Variants in PLCE1 observed in about 807,000 individuals in gnomAD.
PLCE1 encodes the protein 1-phosphatidylinositol 4,5-bisphosphate phosphodiesterase epsilon-1.
PLCE1 carries 119 observed loss-of-function variants against 242.8 expected under a neutral mutation model. That is an observed-to-expected ratio of 0.49 (90% CI 0.42 to 0.57). PLCE1 has a LOEUF of 0.57. Ranked by LOEUF, PLCE1 falls within the 20% of genes least tolerant of loss-of-function variation. The pLI is 0.00. For synonymous variants in PLCE1, 945 were observed against 1,017.4 expected, an observed-to-expected ratio of 0.93 and a Z score of 1.35; for missense variants, 2,441 against 2,788.8, an observed-to-expected ratio of 0.88 and a Z score of 2.81.
intron 21 of PLCE1, among the ~76,000 whole-genome samples, 169 bp from the exon 22 acceptor site, chr10:94,284,679 C>T (rs535341881): frequency 6.6e-6 from 1 of 152,230 alleles, no homozygotes; most frequent in Admixed American, 6.5e-5. Flanking sequence ...CTCCTGCCCT[C>T]AGAAAGCTTT....
chr10:94,276,557 TAATAAC>T (rs2133208529), intron 19 of PLCE1, among the ~76,000 whole-genome samples: 1 of 152,298 alleles, frequency 6.6e-6, no homozygotes, highest in South Asian at 2.1e-4. Context: ...GCGTAAAAAA[TAATAAC>T]AATAATAATT....
At chr10:94,287,682 C>T (rs957651612) in intron 22 of PLCE1, among the ~76,000 whole-genome samples, 2 of 151,784 alleles carry the variant, frequency 1.3e-5, no homozygotes, top group African/African-American at 2.4e-5. Context: ...GTTTATTTCT[C>T]GGTTGCATTT....
chr10:94,105,044 G>A (rs1176334482), intron 2 of PLCE1: 2 of 152,136 alleles, frequency 1.3e-5, no homozygotes, highest in Non-Finnish European at 2.9e-5. Context: ...ATAATCAGTT[G>A]GAAATGAGGA....
chr10:94,212,317 T>C (rs1042241113), intron 4 of PLCE1, among the ~76,000 whole-genome samples: 1 of 152,086 alleles, frequency 6.6e-6, no homozygotes, highest in Non-Finnish European at 1.5e-5. Flanking sequence ...AGTGCAGTGG[T>C]GCCATCTCAG....
At position 94,258,927 on chromosome 10, in the gene PLCE1, A is replaced by T. The variant is rs777407765; in HGVS notation, c.3677+5A>T. 62 of 1,613,974 alleles carry T rather than the reference A, an allele frequency of 3.8e-5. No homozygotes were observed. The highest frequency in any genetic ancestry group is 4.9e-5 in the Non-Finnish European group (58 of 1,179,992). The stretch of plus-strand genomic sequence containing the variant: ...TGAGCTGTTCAAATCATTCAGGTAC[A>T]GTCTTATGTTTCCTTCTTATTCTTT... On this transcript the variant is annotated splice_donor_5th_base_variant and intron_variant, in intron 12 of 32. Coordinates refer to ENST00000371380, the MANE Select transcript of PLCE1 (RefSeq NM_016341.4).
chr10:94,267,240 G>A (rs1319105017), intron 16 of PLCE1, among the ~76,000 whole-genome samples: 1 of 152,090 alleles, frequency 6.6e-6, no homozygotes, highest in African/African-American at 2.4e-5. Flanking sequence ...ATGTACTTGT[G>A]TGTATCCACA....
At chr10:94,103,634 G>A (rs2045620904) in intron 2 of PLCE1, among the ~76,000 whole-genome samples, 1 of 152,102 alleles carries the variant, frequency 6.6e-6, no homozygotes, top group Non-Finnish European at 1.5e-5. Context: ...ATGTACCCCA[G>A]AACTTAAAGT....
chr10:94,088,141 C>G (rs2044906960), intron 2 of PLCE1: 1 of 152,264 alleles, frequency 6.6e-6, no homozygotes, highest in African/African-American at 2.4e-5. Context: ...CTTACCACTA[C>G]TTGATCTCTC....
At chr10:94,315,198 TG>T (rs2053525384) in intron 28 of PLCE1, 3 of 331,306 alleles carry the variant, frequency 9.1e-6, no homozygotes, top group Admixed American at 7.9e-5. Flanking sequence ...GACCAAGGGC[TG>T]GGGTGGAGAG....
Position 94,298,668 on chromosome 10 carries a change from T to C in PLCE1, c.5457T>C (p.Asp1819=), listed in dbSNP as rs1294482225. Residue 1819 remains aspartate (D), a splice_region_variant and synonymous_variant, in exon 24 of 33, where the codon GAT becomes GAC. Coordinates refer to ENST00000371380, the MANE Select transcript of PLCE1 (RefSeq NM_016341.4). This position sits in a 1 kb window ranked among gnomAD's most constrained non-coding sequence, Gnocchi z 5.2. ...IQLVALNYQT[D]DLPLHLNAAM... is the part of the protein sequence containing the mutation. The stretch of plus-strand genomic sequence containing the variant: ...TTGTGGCACTCAACTACCAGACTGA[T>C]GGTAAGGGGCCTGCATGCTCACCTC... The C allele has an allele frequency of 8.1e-6, 13 of 1,614,034 alleles. No individual in the cohort carries two copies. The highest frequency in any genetic ancestry group is 1.1e-5 in the Non-Finnish European group (13 of 1,179,980).
chr10:94,251,811 G>A (rs1212752439), intron 8 of PLCE1, among the ~76,000 whole-genome samples: 1 of 152,098 alleles, frequency 6.6e-6, no homozygotes, highest in Non-Finnish European at 1.5e-5. Flanking sequence ...GGAGCTCCCT[G>A]GGGCCCTTCA....
intron 2 of PLCE1, among the ~76,000 whole-genome samples, chr10:94,089,979 T>C (rs971025987): frequency 2.0e-5 from 3 of 152,194 alleles, no homozygotes; most frequent in African/African-American, 7.2e-5. Flanking sequence ...GTGTTTCAAA[T>C]ATGCTTTTTA....
At chr10:94,229,868 A>G (rs1254477004) in intron 5 of PLCE1, among the ~76,000 whole-genome samples, 2 of 152,216 alleles carry the variant, frequency 1.3e-5, no homozygotes, top group African/African-American at 4.8e-5. Context: ...ACAGATAGAT[A>G]GGCGAAAGTA....
intron 1 of PLCE1, among the ~76,000 whole-genome samples, chr10:94,003,574 G>A (rs902662878): frequency 2.2e-5 from 3 of 135,832 alleles, no homozygotes; most frequent in African/African-American, 8.5e-5. Flanking sequence ...CTGTACTTTA[G>A]CCATGGTCAT....
chr10:94,064,473 T>C (rs1276781685), intron 2 of PLCE1, among the ~76,000 whole-genome samples: 1 of 151,900 alleles, frequency 6.6e-6, no homozygotes, highest in Non-Finnish European at 1.5e-5. Flanking sequence ...TCACAGGAGG[T>C]AGAGGTTGCA....
chr10:94,240,271 C>T (rs2050459446), intron 7 of PLCE1, among the ~76,000 whole-genome samples: 1 of 152,106 alleles, frequency 6.6e-6, no homozygotes, highest in Non-Finnish European at 1.5e-5. Flanking sequence ...TTATTGAGAG[C>T]CTATCTTTAA....
intron 1 of PLCE1, among the ~76,000 whole-genome samples, chr10:94,010,443 G>A (rs1564622580): frequency 1.3e-5 from 2 of 152,202 alleles, no homozygotes; most frequent in Non-Finnish European, 2.9e-5. Context: ...TTTTAGTCAT[G>A]TCAATCTCTT....
Position 94,306,064 on chromosome 10 carries a change from T to C in PLCE1, c.5623-363T>C, listed in dbSNP as rs902874798. Among the ~76,000 whole-genome samples the C allele has an allele frequency of 7.9e-5, 12 of 151,960 alleles. No individual in the cohort carries two copies. The highest frequency in any genetic ancestry group is 2.9e-4 in the African/African-American group (12 of 41,364). On this transcript the variant is annotated intron_variant, in intron 25 of 32. Transcript: ENST00000371380. The surrounding 1 kb of genome is among the most constrained non-coding windows in gnomAD (Gnocchi z 5.7). Reference sequence around the variant, plus strand: ...TCAGCTCACTGCAACCTCTGCTTCCTGGGTTCAAGCAATTCCCCTGCCTCA... The same window carrying C: ...TCAGCTCACTGCAACCTCTGCTTCCCGGGTTCAAGCAATTCCCCTGCCTCA...
At chr10:94,067,138 C>A (rs3945750) in intron 2 of PLCE1, among the ~76,000 whole-genome samples, 51,510 of 152,040 alleles carry the variant, frequency 0.34, 10,111 homozygotes, top group African/African-American at 0.55. Flanking sequence ...TAGGACCAGA[C>A]CCTGTTACCT....
Sources: allele counts gnomAD v4.1 joint callset (sites outside exome capture counted in the v4.1 genomes callset), GRCh38; gene constraint gnomAD v4.1.1; non-coding constraint Gnocchi (gnomAD v3.1); transcripts MANE v1.5; gene names NCBI Gene and HGNC (gene_info 2026-07-23, HGNC 2026-07-21).